The following KDM4B variants were observed in gnomAD, a reference collection of about 807,000 sequenced individuals.
The protein encoded by KDM4B is lysine-specific demethylase 4B.
A neutral mutation model predicts 125.2 loss-of-function variants in KDM4B; 32 were observed. The ratio of observed to expected loss-of-function variants is 0.26; its 90% confidence interval spans 0.19 to 0.34. The LOEUF is 0.34. Among genes scored for constraint, KDM4B ranks in the 10% least tolerant of loss-of-function variants. KDM4B has a pLI of 1.00. For synonymous variants in KDM4B, 721 were observed against 677.9 expected (o/e 1.06, Z -0.99); for missense variants, 1,190 against 1,577.7 (o/e 0.75, Z 4.16).
rs1425647097 is a variant in KDM4B at position 5,144,150 on chromosome 19, G to A, written c.2734G>A (p.Ala912Thr). Residue 912 changes from alanine to threonine, a missense_variant and splice_region_variant, in exon 19 of 23, where the codon GCT becomes ACT. Coordinates refer to ENST00000159111, the MANE Select transcript of KDM4B (RefSeq NM_015015.3). ...CCTCAAGCACAAGTCGGGGGGTCACGCTGTGAGTGCCTGCCCGCCTCCTTG... is the reference window on the plus strand; with the variant it reads ...CCTCAAGCACAAGTCGGGGGGTCACACTGTGAGTGCCTGCCCGCCTCCTTG... The part of the protein sequence containing the change: ...TCLKHKSGGH[A>T]VQLLRAVSLG... The A allele has an allele frequency of 1.3e-5, 20 of 1,595,098 alleles. No homozygotes were observed. The highest frequency in any genetic ancestry group is 1.6e-5 in the Non-Finnish European group (19 of 1,166,342).
At chr19:5,060,632 C>T (rs1051310890) in intron 6 of KDM4B, among the ~76,000 whole-genome samples, 4 of 152,028 alleles carry the variant, frequency 2.6e-5, no homozygotes, top group Non-Finnish European at 5.9e-5. Flanking sequence ...GCCGTGGGTC[C>T]AGGCATGGTG....
chr19:5,013,295 C>T (rs1018631705), intron 1 of KDM4B, among the ~76,000 whole-genome samples: 2 of 152,230 alleles, frequency 1.3e-5, no homozygotes, highest in East Asian at 1.9e-4. Flanking sequence ...CCCAGGATCC[C>T]GTGGGGACCT....
At chr19:4,999,546 T>A (rs2035302095) in intron 1 of KDM4B, among the ~76,000 whole-genome samples, 1 of 152,136 alleles carries the variant, frequency 6.6e-6, no homozygotes, top group African/African-American at 2.4e-5. Flanking sequence ...CTAGGTCCTC[T>A]AATCAGACAG....
At chr19:5,015,854 G>A (rs2035877357) in intron 1 of KDM4B, among the ~76,000 whole-genome samples, 1 of 152,200 alleles carries the variant, frequency 6.6e-6, no homozygotes, top group Non-Finnish European at 1.5e-5. Context: ...CTCTCCCCGT[G>A]CTCTGCCTCT....
At chr19:5,126,923 A>C (rs2039460120) in intron 11 of KDM4B, among the ~76,000 whole-genome samples, 1 of 152,202 alleles carries the variant, frequency 6.6e-6, no homozygotes, top group African/African-American at 2.4e-5. Context: ...GAGCAGGAAC[A>C]GAGTGGTGTC....
chr19:5,040,768 C>T (rs1223342525), intron 4 of KDM4B, among the ~76,000 whole-genome samples: 3 of 152,078 alleles, frequency 2.0e-5, no homozygotes, highest in Admixed American at 1.3e-4. Context: ...AGAGCCTGGT[C>T]TGTCCTGCTC....
intron 11 of KDM4B, among the ~76,000 whole-genome samples, chr19:5,124,655 G>C (rs2039419395): frequency 6.6e-6 from 1 of 152,206 alleles, no homozygotes; most frequent in African/African-American, 2.4e-5. Context: ...GGAGTGCAGT[G>C]ACGCAATCTC....
intron 2 of KDM4B, among the ~76,000 whole-genome samples, chr19:5,028,257 G>T (rs1378249969): frequency 6.6e-6 from 1 of 152,162 alleles, no homozygotes; most frequent in Non-Finnish European, 1.5e-5. Context: ...GATTACAGGT[G>T]CGAGCCACTG....
intron 1 of KDM4B, among the ~76,000 whole-genome samples, chr19:4,983,437 G>A (rs950299031): frequency 6.6e-6 from 1 of 152,236 alleles, no homozygotes; most frequent in African/African-American, 2.4e-5. Flanking sequence ...TGCGACAGGT[G>A]CGGCTGAAGA....
At chr19:5,066,030 C>G (rs2037759588) in intron 6 of KDM4B, among the ~76,000 whole-genome samples, 1 of 152,188 alleles carries the variant, frequency 6.6e-6, no homozygotes, top group Non-Finnish European at 1.5e-5. Context: ...GGGCCCAGTC[C>G]TTGGCTGCAG....
intron 1 of KDM4B, among the ~76,000 whole-genome samples, chr19:4,987,548 T>A (rs555107616): frequency 9.9e-5 from 15 of 152,252 alleles, no homozygotes; most frequent in African/African-American, 3.4e-4. Context: ...TGGCTGGAGA[T>A]GCTATTTGTG....
chr19:5,105,360 C>T (rs1212684565), intron 9 of KDM4B, among the ~76,000 whole-genome samples: 1 of 152,244 alleles, frequency 6.6e-6, no homozygotes, highest in Non-Finnish European at 1.5e-5. Context: ...GTCTGTGGGA[C>T]GTGGTGTTCA....
At chr19:5,069,991 T>C in intron 6 of KDM4B, among the ~76,000 whole-genome samples, 1 of 152,092 alleles carries the variant, frequency 6.6e-6, no homozygotes, top group East Asian at 1.9e-4. Flanking sequence ...CTCTGAGCTT[T>C]TCCTTGTCTT....
rs1450928330 is a variant in KDM4B at position 5,082,170 on chromosome 19, C to T, written c.781-197C>T. Among the ~76,000 whole-genome samples, 2 of 152,212 alleles carry T rather than the reference C, an allele frequency of 1.3e-5. No homozygotes were observed. The highest frequency in any genetic ancestry group is 2.9e-5 in the Non-Finnish European group (2 of 68,028). ...TTGCAGAGCTGTGGCTGCGGCTGCT[C>T]ACTATGTCCTTCATGAGCCGCGTGG... On this transcript the variant is annotated intron_variant, in intron 8 of 22. Transcript: ENST00000159111. This position sits in a 1 kb window ranked among gnomAD's most constrained non-coding sequence, Gnocchi z 5.4.
chr19:5,097,631 C>T (rs892953166), intron 9 of KDM4B, among the ~76,000 whole-genome samples: 19 of 152,216 alleles, frequency 1.2e-4, no homozygotes, highest in Non-Finnish European at 2.4e-4. Flanking sequence ...AAAGGCAAGG[C>T]GCAGAGCAGG....
intron 5 of KDM4B, among the ~76,000 whole-genome samples, chr19:5,043,965 T>C (rs1196879311): frequency 7.0e-6 from 1 of 142,364 alleles, no homozygotes; most frequent in African/African-American, 2.7e-5. Context: ...GCGTGGTGGT[T>C]ATCGGAGTGG....
At chr19:4,979,756 T>C (rs2034573055) in intron 1 of KDM4B, among the ~76,000 whole-genome samples, 1 of 152,196 alleles carries the variant, frequency 6.6e-6, no homozygotes, top group Admixed American at 6.5e-5. Flanking sequence ...TTTTAAAAAA[T>C]ATATATTTTT....
intron 7 of KDM4B, 100 bp from the exon 8 acceptor site, chr19:5,077,267 C>T (rs897710528): frequency 8.1e-6 from 8 of 990,894 alleles, no homozygotes; most frequent in Middle Eastern, 2.1e-4. Context: ...CACGCCCGCT[C>T]TCCATGGGAG....
At chr19:4,981,017 C>G (rs1277812450) in intron 1 of KDM4B, among the ~76,000 whole-genome samples, 1 of 152,066 alleles carries the variant, frequency 6.6e-6, no homozygotes, top group African/African-American at 2.4e-5. Flanking sequence ...GCCCGGCGGG[C>G]CTGCAGGGGT....
Sources: allele counts gnomAD v4.1 joint callset (sites outside exome capture counted in the v4.1 genomes callset), GRCh38; gene constraint gnomAD v4.1.1; non-coding constraint Gnocchi (gnomAD v3.1); transcripts MANE v1.5; gene names NCBI Gene and HGNC (gene_info 2026-07-23, HGNC 2026-07-21).